The following SLCO2A1 variants were observed in gnomAD, a reference collection of about 807,000 sequenced individuals.
The protein encoded by SLCO2A1 is matrin F/G 1.
A neutral mutation model predicts 71.7 loss-of-function variants in SLCO2A1; 60 were observed. The observed-to-expected ratio is 0.84, with a 90% CI of 0.68 to 1.04. The LOEUF is 1.04. Ranked by LOEUF, SLCO2A1 falls within the 50% of genes least tolerant of loss-of-function variation. SLCO2A1 has a pLI of 0.00. For synonymous variants in SLCO2A1, 308 were observed against 326.7 expected, an observed-to-expected ratio of 0.94 and a Z score of 0.62; for missense variants, 745 against 813.4, an observed-to-expected ratio of 0.92 and a Z score of 1.02.
rs375564210 is a variant in SLCO2A1, at chr3:133,934,841, G to A, written c.1815-11C>T. On this transcript the variant is annotated splice_polypyrimidine_tract_variant and intron_variant, in intron 13 of 13. Coordinates refer to ENST00000310926, the MANE Select transcript of SLCO2A1 (RefSeq NM_005630.3). ...TGCAGGCCCAGGTACCTGTGGGCAG[G>A]AGGAGGCAGGACTGGTGAGGGAGGG... 6.2e-7 allele frequency: 1 copy of A among 1,603,632 alleles called. No homozygotes were observed. The highest frequency in any genetic ancestry group is 8.5e-7 in the Non-Finnish European group (1 of 1,176,188).
intron 6 of SLCO2A1, 180 bp downstream of exon 6, chr3:133,951,028 G>A (rs1933731502): frequency 1.3e-6 from 1 of 769,112 alleles, no homozygotes; most frequent in African/African-American, 1.7e-5. Context: ...ACCACCTTTT[G>A]GAAATTCACC....
intron 3 of SLCO2A1, among the ~76,000 whole-genome samples, chr3:133,968,742 C>T (rs1934251873): frequency 6.6e-6 from 1 of 152,226 alleles, no homozygotes; most frequent in South Asian, 2.1e-4. Flanking sequence ...CTCTTATCTC[C>T]TGGGAGGACT....
chr3:133,983,075 G>A (rs950386500), intron 1 of SLCO2A1, among the ~76,000 whole-genome samples: 2 of 152,104 alleles, frequency 1.3e-5, no homozygotes, highest in Non-Finnish European at 2.9e-5. Context: ...CAAGGGGTGG[G>A]TTCTGTGTTC....
At chr3:134,015,908 G>A (rs1216463987) in intron 1 of SLCO2A1, among the ~76,000 whole-genome samples, 1 of 151,950 alleles carries the variant, frequency 6.6e-6, no homozygotes, top group Non-Finnish European at 1.5e-5. Flanking sequence ...AGGTGCAATG[G>A]CAACTCAATA....
chr3:133,979,568 G>A lies in SLCO2A1; in HGVS notation c.147C>T (p.Ser49=), dbSNP rs143124199. The change falls in exon 2 of 14, where the codon AGC becomes AGT. Residue 49 remains serine (S), a synonymous_variant. Transcript: ENST00000310926. ...GLLQLCQLLY[S]AYFKSSLTTI... is the part of the protein sequence containing the mutation. ...TGGTGAGGCTGCTCTTGAAGTAGGC[G>A]CTGTACAGGAGTTGGCAGAGCTGCA... 1.9e-5 allele frequency: 31 copies of A among 1,613,976 alleles called. No homozygotes were observed. The highest frequency in any genetic ancestry group is 2.5e-5 in the Non-Finnish European group (30 of 1,179,982).
chr3:133,954,449 A>T (rs1006810438), intron 4 of SLCO2A1, among the ~76,000 whole-genome samples: 4 of 152,172 alleles, frequency 2.6e-5, no homozygotes, highest in African/African-American at 9.6e-5. Flanking sequence ...GGCATGAGCC[A>T]CCACGCCCGT....
At chr3:134,027,487 CCCCTTAGAGTTGTGAG>C (rs1935721991) in intron 1 of SLCO2A1, among the ~76,000 whole-genome samples, 1 of 152,330 alleles carries the variant, frequency 6.6e-6, no homozygotes, top group South Asian at 2.1e-4. Context: ...TCAGGTGCAC[CCCCTTAGAGTTGTGAG>C]CCCTTAAAAA....
At chr3:134,029,653 C>A (rs1226864027) in intron 1 of SLCO2A1, 54 bp downstream of exon 1, 4 of 1,448,872 alleles carry the variant, frequency 2.8e-6, no homozygotes, top group Non-Finnish European at 3.7e-6. Context: ...GGTGCCCAGC[C>A]GAAGGTGCGC....
At chr3:134,024,951 C>T (rs566261812) in intron 1 of SLCO2A1, among the ~76,000 whole-genome samples, 1 of 151,888 alleles carries the variant, frequency 6.6e-6, no homozygotes, top group East Asian at 1.9e-4. Flanking sequence ...TCTAACAGGC[C>T]CAACCTCCGA....
intron 6 of SLCO2A1, chr3:133,949,334 G>A (rs1282657366): frequency 3.8e-6 from 1 of 262,412 alleles, no homozygotes; most frequent in Non-Finnish European, 7.5e-6. Context: ...CAGATTCCAG[G>A]GGATACTGGC....
chr3:133,945,079 C>T lies in SLCO2A1; in HGVS notation c.1461+16G>A. 6.2e-7 allele frequency: 1 copy of T among 1,604,314 alleles called. No homozygotes were observed. Among genetic ancestry groups the T allele is most frequent in the African/African-American group, 1.3e-5 (1 of 74,578 alleles). Reference sequence around the variant, plus strand: ...CTGTGGGGCTCCTCTTGCCTCTGGACCCTGGCTGCCCTTACCAGTTGCTTG... The same window carrying T: ...CTGTGGGGCTCCTCTTGCCTCTGGATCCTGGCTGCCCTTACCAGTTGCTTG... On this transcript the variant is annotated intron_variant, in intron 10 of 13. Coordinates refer to ENST00000310926, the MANE Select transcript of SLCO2A1 (RefSeq NM_005630.3).
In SLCO2A1 at chr3:133,955,145, T is replaced by A. The variant is rs1273706819; in HGVS notation, c.446A>T (p.Asp149Val). The change falls in exon 4 of 14, where the codon GAC (aspartate) becomes GTC (valine). Residue 149 changes from aspartate to valine, a missense_variant. Coordinates refer to ENST00000310926, the MANE Select transcript of SLCO2A1 (RefSeq NM_005630.3). ...GCTGTGGCACTTACTGGGAGGCAGG[T>A]CCTGCCAATGCTTCTGGCAGAGCTC... is the stretch of plus-strand genomic sequence containing the variant. ...QAELCQKHWQ[D>V]LPPSKCHSTT... 1 of 1,614,086 alleles carries A rather than the reference T, an allele frequency of 6.2e-7. No homozygotes were observed. Among genetic ancestry groups the A allele is most frequent in the Admixed American group, 1.7e-5 (1 of 60,028 alleles).
At chr3:134,019,722 T>G (rs905001017) in intron 1 of SLCO2A1, among the ~76,000 whole-genome samples, 4 of 152,126 alleles carry the variant, frequency 2.6e-5, no homozygotes, top group African/African-American at 7.2e-5. Flanking sequence ...GATGGGACCT[T>G]AAATCTGAGT....
chr3:134,005,726 C>T (rs1292364176), intron 1 of SLCO2A1, among the ~76,000 whole-genome samples: 3 of 152,098 alleles, frequency 2.0e-5, no homozygotes, highest in Admixed American at 1.3e-4. Flanking sequence ...CGTGATCCAC[C>T]GGCCTCGGCC....
intron 3 of SLCO2A1, among the ~76,000 whole-genome samples, chr3:133,957,869 TAG>T (rs1479792862): frequency 2.0e-5 from 3 of 152,228 alleles, no homozygotes; most frequent in Admixed American, 1.3e-4. Context: ...ATAAGGTGGC[TAG>T]ATAGAAAGAT....
At chr3:133,954,153 CTT>C (rs60871049) in intron 4 of SLCO2A1, among the ~76,000 whole-genome samples, 12,818 of 60,596 alleles carry the variant, frequency 0.21, 1,113 homozygotes, top group Non-Finnish European at 0.31. Context: ...GTGGTGTGTT[CTT>C]TTTTTTTTTT....
At chr3:133,957,862 AG>A (rs1933934240) in intron 3 of SLCO2A1, among the ~76,000 whole-genome samples, 1 of 152,244 alleles carries the variant, frequency 6.6e-6, no homozygotes, top group South Asian at 2.1e-4. Context: ...AGAGGCCATA[AG>A]GTGGCTAGAT....
At chr3:133,984,792 T>C (rs189148292) in intron 1 of SLCO2A1, among the ~76,000 whole-genome samples, 3 of 152,338 alleles carry the variant, frequency 2.0e-5, no homozygotes, top group East Asian at 3.9e-4. Flanking sequence ...TATAGTGTTA[T>C]AGTTTTTGAT....
intron 1 of SLCO2A1, among the ~76,000 whole-genome samples, chr3:134,003,726 G>A (rs1935147720): frequency 6.6e-6 from 1 of 152,192 alleles, no homozygotes; most frequent in Admixed American, 6.5e-5. Context: ...TGTTTTTGAT[G>A]TGGCAACTCG....
Sources: allele counts gnomAD v4.1 joint callset (sites outside exome capture counted in the v4.1 genomes callset), GRCh38; gene constraint gnomAD v4.1.1; transcripts MANE v1.5; gene names NCBI Gene and HGNC (gene_info 2026-07-23, HGNC 2026-07-21).